The following SCAPER variants were observed in gnomAD, a reference collection of about 807,000 sequenced individuals.
The protein encoded by SCAPER is S phase cyclin A-associated protein in the endoplasmic reticulum.
In SCAPER, 98 loss-of-function variants were observed where a neutral mutation model predicts 182.2. That is an observed-to-expected ratio of 0.54 (90% CI 0.46 to 0.64). The LOEUF is 0.64. Among genes scored for constraint, SCAPER ranks in the 30% least tolerant of loss-of-function variants. The probability of loss-of-function intolerance (pLI) is 0.00; values close to 1 mark genes in which losing one functional copy is unlikely to be tolerated. For missense variants in SCAPER, 1,432 were observed against 1,690.0 expected, an observed-to-expected ratio of 0.85 and a Z score of 2.68; for synonymous variants, 605 against 564.6, an observed-to-expected ratio of 1.07 and a Z score of -1.01.
chr15:76,379,822 G>A (rs1439972699), intron 28 of SCAPER: 1 of 151,930 alleles, frequency 6.6e-6, no homozygotes, highest in Non-Finnish European at 1.5e-5. Flanking sequence ...CTTTGTGAGT[G>A]AGCCTGCACA....
intron 8 of SCAPER, among the ~76,000 whole-genome samples, chr15:76,789,727 C>A (rs188078600): frequency 3.3e-5 from 5 of 152,244 alleles, no homozygotes; most frequent in Admixed American, 2.6e-4. Context: ...AAGGTTAGGA[C>A]AGAGTACACA....
chr15:76,371,771 AGCCG>A (rs1001546539), intron 29 of SCAPER, among the ~76,000 whole-genome samples: 4 of 151,686 alleles, frequency 2.6e-5, no homozygotes, highest in African/African-American at 9.7e-5. Context: ...ATACAAAATT[AGCCG>A]GGCGTGGTGG....
chr15:76,796,864 C>T (rs896677476), intron 7 of SCAPER, among the ~76,000 whole-genome samples: 1 of 152,172 alleles, frequency 6.6e-6, no homozygotes, highest in African/African-American at 2.4e-5. Flanking sequence ...AGCCCATCAA[C>T]CTTTAAAGGC....
At chr15:76,873,465 G>C (rs1443047701) in intron 2 of SCAPER, among the ~76,000 whole-genome samples, 2 of 152,046 alleles carry the variant, frequency 1.3e-5, no homozygotes, top group Non-Finnish European at 2.9e-5. Flanking sequence ...TATACTGCTA[G>C]AGTATATATA....
intron 11 of SCAPER, among the ~76,000 whole-genome samples, chr15:76,766,432 A>G (rs775247229): frequency 1.3e-5 from 2 of 152,108 alleles, no homozygotes; most frequent in Non-Finnish European, 2.9e-5. Flanking sequence ...AAAATACCTT[A>G]GCTTCATCTT....
intron 27 of SCAPER, among the ~76,000 whole-genome samples, chr15:76,383,499 T>C (rs1194377915): frequency 6.6e-6 from 1 of 152,240 alleles, no homozygotes; most frequent in Non-Finnish European, 1.5e-5. Context: ...CCTTGTTCTC[T>C]ACTCAAGAAA....
chr15:76,724,581 G>A (rs1390925086), intron 17 of SCAPER, among the ~76,000 whole-genome samples: 2 of 152,070 alleles, frequency 1.3e-5, no homozygotes, highest in Admixed American at 6.5e-5. Context: ...CGTAGATTTG[G>A]TCTTTTCACA....
At chr15:76,736,450 G>C (rs1240308223) in intron 15 of SCAPER, among the ~76,000 whole-genome samples, 1 of 152,120 alleles carries the variant, frequency 6.6e-6, no homozygotes, top group African/African-American at 2.4e-5. Flanking sequence ...CTGTTTGATA[G>C]CATTTTACCC....
chr15:76,730,201 A>G (rs2060836481), intron 16 of SCAPER, among the ~76,000 whole-genome samples: 1 of 152,174 alleles, frequency 6.6e-6, no homozygotes, highest in Non-Finnish European at 1.5e-5. Context: ...TGAGCGCACA[A>G]TAGTAACTTC....
intron 21 of SCAPER, among the ~76,000 whole-genome samples, chr15:76,660,137 G>A (rs1223308202): frequency 6.6e-6 from 1 of 152,128 alleles, no homozygotes; most frequent in Admixed American, 6.5e-5. Flanking sequence ...AACTAATGCA[G>A]GAACAGAAAA....
At chr15:76,880,717 A>G (rs1457196410) in intron 2 of SCAPER, among the ~76,000 whole-genome samples, 1 of 151,314 alleles carries the variant, frequency 6.6e-6, no homozygotes. Context: ...TTGCTAAGTG[A>G]AAAGAAAAAA....
At chr15:76,826,660 A>G (rs1337675528) in intron 5 of SCAPER, among the ~76,000 whole-genome samples, 1 of 152,198 alleles carries the variant, frequency 6.6e-6, no homozygotes, top group African/African-American at 2.4e-5. Flanking sequence ...GTTCCCTCCT[A>G]AAACAAAGTC....
At chr15:76,657,772 C>T (rs77609013) in intron 21 of SCAPER, among the ~76,000 whole-genome samples, 7,606 of 152,034 alleles carry the variant, frequency 0.05, 226 homozygotes, top group South Asian at 0.12. Flanking sequence ...AAACACAAAT[C>T]AATATATAGG....
At chr15:76,375,215 C>CAAAAAAAAAAAAAAAAAAAAAAA (rs35499483) in intron 29 of SCAPER, among the ~76,000 whole-genome samples, 1 of 56,926 alleles carries the variant, frequency 1.8e-5, no homozygotes, top group African/African-American at 8.6e-5. Context: ...AAGAACTTGT[C>CAAAAAAAAAAAAAAAAAAAAAAA]AAAAAAAAAA....
At chr15:76,396,996 A>G (rs1596426411) in intron 27 of SCAPER, among the ~76,000 whole-genome samples, 1 of 140,306 alleles carries the variant, frequency 7.1e-6, no homozygotes. Context: ...TCTCAACCCA[A>G]TTTTTTGAGA....
intron 23 of SCAPER, among the ~76,000 whole-genome samples, chr15:76,543,778 A>G (rs2044998810): frequency 6.6e-6 from 1 of 152,228 alleles, no homozygotes; most frequent in Non-Finnish European, 1.5e-5. Context: ...ACCTTGGCTT[A>G]TGCAATGATT....
At position 76,611,755 on chromosome 15, in the gene SCAPER, T is replaced by A. The variant is rs2051016057; in HGVS notation, c.2711+10009A>T. Among the ~76,000 whole-genome samples the A allele has an allele frequency of 2.0e-5, 3 of 152,200 alleles. No homozygotes were observed. In the South Asian group the frequency reaches 6.2e-4, roughly 31 times the overall value. On this transcript the variant is annotated intron_variant, in intron 22 of 31. Coordinates refer to ENST00000563290, the MANE Select transcript of SCAPER (RefSeq NM_020843.4). ...AAAAAGCTTATCTACCATGATTAAG[T>A]AGGCTTCAACCCCAGGATGCAAGGT... is the stretch of plus-strand genomic sequence containing the variant.
intron 23 of SCAPER, among the ~76,000 whole-genome samples, chr15:76,555,026 C>G (rs963960844): frequency 2.0e-5 from 3 of 152,240 alleles, no homozygotes; most frequent in Non-Finnish European, 4.4e-5. Context: ...AGTGATCCAT[C>G]CACCTTGGCC....
intron 20 of SCAPER, among the ~76,000 whole-genome samples, chr15:76,686,012 A>G (rs2058019773): frequency 2.0e-5 from 3 of 152,098 alleles, no homozygotes; most frequent in Admixed American, 1.3e-4. Flanking sequence ...ATAACGTAAG[A>G]TAGAGAAGAT....
Sources: gnomAD v4.1 joint callset for allele counts (sites outside exome capture counted in the v4.1 genomes callset) on GRCh38, gnomAD v4.1.1 for gene constraint, MANE v1.5 for transcripts, NCBI Gene and HGNC (gene_info 2026-07-23, HGNC 2026-07-21) for gene names.